The following ATRN variants were observed in gnomAD, a reference collection of about 807,000 sequenced individuals.
The protein encoded by ATRN is attractin, also known as attractin-2.
Under a neutral mutation model 178.7 loss-of-function variants are expected in ATRN, and 54 were observed. The observed-to-expected ratio is 0.30, with a 90% CI of 0.24 to 0.38. The LOEUF (loss-of-function observed/expected upper bound fraction) is 0.38, where lower values mean the gene tolerates loss of function less well. Ranked by LOEUF, ATRN falls within the 10% of genes least tolerant of loss-of-function variation. The pLI is 1.00. For missense variants in ATRN, 1,443 were observed against 1,815.1 expected (o/e 0.79, Z 3.73); for synonymous variants, 636 against 663.0 (o/e 0.96, Z 0.63).
intron 6 of ATRN, among the ~76,000 whole-genome samples, chr20:3,553,204 C>T (rs1201320613): frequency 1.3e-5 from 2 of 152,050 alleles, no homozygotes; most frequent in African/African-American, 4.8e-5. Flanking sequence ...GTGATTGTGC[C>T]TTCTGCTGTT....
At chr20:3,576,612 C>T (rs983518248) in intron 13 of ATRN, among the ~76,000 whole-genome samples, 4 of 152,132 alleles carry the variant, frequency 2.6e-5, no homozygotes, top group Non-Finnish European at 5.9e-5. Context: ...CAGTTAAAAG[C>T]ATGTCCTTGA....
At chr20:3,635,550 A>G (rs1320365764) in intron 26 of ATRN, among the ~76,000 whole-genome samples, 2 of 152,146 alleles carry the variant, frequency 1.3e-5, no homozygotes, top group Admixed American at 6.5e-5. Context: ...TAAGATCTAG[A>G]CAAAGAAGCT....
chr20:3,581,972 G>A (rs2146257901), intron 15 of ATRN, among the ~76,000 whole-genome samples, 163 bp from the exon 16 acceptor site: 1 of 152,208 alleles, frequency 6.6e-6, no homozygotes, highest in South Asian at 2.1e-4. Context: ...AGGCATGGTG[G>A]CTCATGCCTA....
intron 6 of ATRN, among the ~76,000 whole-genome samples, chr20:3,553,330 C>T (rs1029527815): frequency 6.6e-6 from 1 of 152,180 alleles, no homozygotes; most frequent in Non-Finnish European, 1.5e-5. Flanking sequence ...ATGTTCTTCT[C>T]TTCGTACCAT....
At chr20:3,551,222 T>A (rs577743611) in intron 6 of ATRN, among the ~76,000 whole-genome samples, 5 of 152,262 alleles carry the variant, frequency 3.3e-5, no homozygotes, top group African/African-American at 1.2e-4. Context: ...ACCAACCAGT[T>A]TGCCTGGAAC....
At position 3,535,432 on chromosome 20, in the gene ATRN, A is replaced by G. The variant is rs1273077496; in HGVS notation, c.494+96A>G. The G allele has an allele frequency of 1.4e-5, 7 of 513,024 alleles. No individual in the cohort carries two copies. The Admixed American group carries it at 1.5e-4, about 11-fold the overall frequency. 31.8% of individuals were successfully genotyped at this position (513,024 alleles called of 1,614,324 possible). A position where few individuals can be genotyped will look rare whatever the true frequency, so the allele number is the denominator to read the frequency against. On this transcript the variant is annotated intron_variant, in intron 2 of 28. Transcript: ENST00000262919. ...AAGTAAAATTAACAATCTGTAGCATAAAGTTCTTAAAACATTACTTGATAA... is the reference window on the plus strand; with the variant it reads ...AAGTAAAATTAACAATCTGTAGCATGAAGTTCTTAAAACATTACTTGATAA...
rs1170776013 is a variant in ATRN, at chr20:3,471,319, C to T, written c.212C>T (p.Pro71Leu). 2.7e-6 allele frequency: 4 copies of T among 1,481,206 alleles called. No individual in the cohort carries two copies. The highest frequency in any genetic ancestry group is 1.5e-5 in the African/African-American group (1 of 68,242). 91.8% of individuals were successfully genotyped at this position (1,481,206 alleles called of 1,614,324 possible). A position where few individuals can be genotyped will look rare whatever the true frequency, so the allele number is the denominator to read the frequency against. The change falls in exon 1 of 29, where the codon CCG becomes CTG. Residue 71 changes from proline to leucine, a missense_variant. Pro to Leu is a moderately conservative substitution (Grantham distance 98, BLOSUM62 -3). This residue lies in a region of ATRN where 862 missense variants were observed against 972.1 expected (regional missense o/e 0.89). Coordinates refer to ENST00000262919, the MANE Select transcript of ATRN (RefSeq NM_139321.3). The part of the protein sequence containing the change: ...LLLLLLLLSP[P>L]LLLLLLPCEA... ...CTGCTGCTGTTGTTGCTCTCGCCGC[C>T]GCTGCTGCTGCTGCTGCTGCCCTGT... is the stretch of plus-strand genomic sequence containing the variant.
chr20:3,492,826 A>G (rs1315581482), intron 1 of ATRN, among the ~76,000 whole-genome samples: 1 of 146,112 alleles, frequency 6.8e-6, no homozygotes, highest in Non-Finnish European at 1.5e-5. Context: ...GAGAGAGAGA[A>G]ATAGAAAGGG....
In ATRN at chr20:3,649,209, A is replaced by T. The variant is rs749794012; in HGVS notation, c.*2362A>T. On this transcript the variant is annotated 3_prime_UTR_variant, in exon 29 of 29. Transcript: ENST00000262919. ...GCGCTGGGCTCGGAGCCTGTTTCCA[A>T]GAAGGAATTGGTTGTCATCTGGCAG... 1.3e-5 allele frequency: 2 copies of T among 152,508 alleles called. No individual in the cohort carries two copies. The highest frequency in any genetic ancestry group is 4.8e-5 in the African/African-American group (2 of 41,418). The allele number at this position is 152,508 out of a possible 1,614,324, so 9.4% of individuals were successfully genotyped here. A position where few individuals can be genotyped will look rare whatever the true frequency, so the allele number is the denominator to read the frequency against.
At chr20:3,538,766 C>T (rs2085576754) in intron 2 of ATRN, among the ~76,000 whole-genome samples, 2 of 152,178 alleles carry the variant, frequency 1.3e-5, no homozygotes, top group Non-Finnish European at 2.9e-5. Flanking sequence ...TCCTGGGCCA[C>T]TTAATAGCCT....
At position 3,563,236 on chromosome 20, in the gene ATRN, C is replaced by T; in HGVS notation, c.1659C>T (p.Phe553=). 1 of 1,612,856 alleles carries T rather than the reference C, an allele frequency of 6.2e-7. No individual in the cohort carries two copies. Among genetic ancestry groups the T allele is most frequent in the Non-Finnish European group, 8.5e-7 (1 of 1,179,430 alleles). ...CCATTCTTAAGGACAGCCGATTTTT[C>T]CGTTACTTGCACACAGCTGTGATAG... ...MWTILKDSRF[F]RYLHTAVIVS... is the part of the protein sequence containing the mutation. Residue 553 remains phenylalanine (F), a synonymous_variant, in exon 10 of 29, where the codon TTC becomes TTT. Coordinates refer to ENST00000262919, the MANE Select transcript of ATRN (RefSeq NM_139321.3).
rs1184401537 is a variant in ATRN, at chr20:3,604,152, A to G, written c.3691A>G (p.Ile1231Val). 3 of 1,610,468 alleles carry G rather than the reference A, an allele frequency of 1.9e-6. No homozygotes were observed. Among genetic ancestry groups the G allele is most frequent in the Admixed American group, 3.4e-5 (2 of 59,044 alleles). The change falls in exon 24 of 29, where the codon ATT becomes GTT. Residue 1231 changes from isoleucine to valine, a missense_variant. By Grantham distance (29) the Ile-to-Val change is conservative (BLOSUM62 3). Coordinates refer to ENST00000262919, the MANE Select transcript of ATRN (RefSeq NM_139321.3). ...EEMPVVSKTN[I>V]KEYKDSFSNE... ...GATGCCTGTTGTTTCAAAAACCAAC[A>G]TTAAGGAGTACAAAGATAGTTTCTC...
chr20:3,494,452 C>T (rs756779231), intron 1 of ATRN, among the ~76,000 whole-genome samples: 32 of 151,962 alleles, frequency 2.1e-4, no homozygotes, highest in African/African-American at 6.5e-4. Context: ...ACTGTCCAGA[C>T]GGGGGAGCTG....
intron 3 of ATRN, among the ~76,000 whole-genome samples, chr20:3,542,801 ATTTT>A (rs35265454): frequency 7.7e-6 from 1 of 130,492 alleles, no homozygotes; most frequent in African/African-American, 2.9e-5. Flanking sequence ...TAATTTTTGT[ATTTT>A]TTTTTTTTTT....
rs532449208 is a variant in ATRN, at chr20:3,645,801, C to T, written c.4166-922C>T. ...GGCTCAACAAGGCAAGTAACACGCT[C>T]CACTAACACAACTCCTGGCAGGTCT... On this transcript the variant is annotated intron_variant, in intron 28 of 28. Coordinates refer to ENST00000262919, the MANE Select transcript of ATRN (RefSeq NM_139321.3). The surrounding 1 kb of genome is among the most constrained non-coding windows in gnomAD (Gnocchi z 4.7). Among the ~76,000 whole-genome samples, 3 of 152,072 alleles carry T rather than the reference C, an allele frequency of 2.0e-5. No individual in the cohort carries two copies. In the South Asian group the frequency reaches 6.2e-4, roughly 32 times the overall value.
chr20:3,567,943 C>G (rs558813961), intron 11 of ATRN, among the ~76,000 whole-genome samples: 1 of 152,274 alleles, frequency 6.6e-6, no homozygotes, highest in Non-Finnish European at 1.5e-5. Flanking sequence ...AACAAATTAA[C>G]TAGTTGAATC....
At chr20:3,563,411 C>T (rs752073001) in intron 10 of ATRN, 48 bp downstream of exon 10, 2 of 1,558,028 alleles carry the variant, frequency 1.3e-6, no homozygotes, top group South Asian at 2.4e-5. Context: ...TTTGCCTATA[C>T]TATAAGCAGC....
At chr20:3,499,939 A>G (rs2084933201) in intron 1 of ATRN, among the ~76,000 whole-genome samples, 1 of 151,888 alleles carries the variant, frequency 6.6e-6, no homozygotes, top group South Asian at 2.1e-4. Context: ...TACTCATCTG[A>G]CAAAGGGCTA....
intron 18 of ATRN, among the ~76,000 whole-genome samples, chr20:3,590,592 A>G (rs1416497553): frequency 6.6e-6 from 1 of 152,206 alleles, no homozygotes; most frequent in Non-Finnish European, 1.5e-5. Flanking sequence ...TTATTTTTCT[A>G]ATAATGAAAA....
Sources: allele counts gnomAD v4.1 joint callset (sites outside exome capture counted in the v4.1 genomes callset), GRCh38; gene constraint gnomAD v4.1.1; regional missense constraint gnomAD v4.1.1; non-coding constraint Gnocchi (gnomAD v3.1); transcripts MANE v1.5; gene names NCBI Gene and HGNC (gene_info 2026-07-23, HGNC 2026-07-21).